CASK: variants seen among roughly 807,000 people sequenced by gnomAD.
CASK encodes calcium/calmodulin dependent serine protein kinase.
A neutral mutation model predicts 82.9 loss-of-function variants in CASK; 4 were observed. The ratio of observed to expected loss-of-function variants is 0.05; its 90% CI spans 0.02 to 0.11. CASK has a LOEUF of 0.11. Among genes scored for constraint, CASK ranks in the 10% least tolerant of loss-of-function variants. CASK has a pLI of 1.00. For synonymous variants in CASK, 259 were observed against 253.5 expected, an observed-to-expected ratio of 1.02 and a Z score of -0.20; for missense variants, 358 against 720.9, an observed-to-expected ratio of 0.50 and a Z score of 5.76.
chrX:41,585,103 C>T (rs1214753012), intron 14 of CASK: 1 of 112,174 alleles, frequency 8.9e-6, no homozygotes, highest in African/African-American at 3.2e-5. Context: ...CAGGTGAATA[C>T]AAACAAGTGG....
intron 15 of CASK, among the ~76,000 whole-genome samples, chrX:41,572,088 T>C: frequency 9.3e-6 from 1 of 107,880 alleles, no homozygotes; most frequent in Non-Finnish European, 1.9e-5. Flanking sequence ...CTTCTTACTT[T>C]TTTTTTTTTT....
At chrX:41,766,784 G>A in intron 3 of CASK, among the ~76,000 whole-genome samples, 1 of 111,280 alleles carries the variant, frequency 9.0e-6, no homozygotes, top group Admixed American at 9.6e-5. Flanking sequence ...CTACCTGGGG[G>A]GCTGAGGCAG....
At chrX:41,791,348 T>G (rs2069712988) in intron 2 of CASK, among the ~76,000 whole-genome samples, 1 of 108,905 alleles carries the variant, frequency 9.2e-6, no homozygotes, top group Admixed American at 1.0e-4. Flanking sequence ...CTTATGCCTT[T>G]GCGTCCCCAT....
chrX:41,729,749 C>CAAAAAAAA (rs1162361118), intron 5 of CASK: 1 of 14,116 alleles, frequency 7.1e-5, no homozygotes, highest in Non-Finnish European at 1.2e-4. Context: ...GACTCTGTCT[C>CAAAAAAAA]AAAAAAAAAA....
intron 12 of CASK, among the ~76,000 whole-genome samples, chrX:41,595,969 A>T (rs748715553): frequency 9.0e-5 from 10 of 111,433 alleles, no homozygotes; most frequent in Non-Finnish European, 1.7e-4. Flanking sequence ...GAATGTCAGG[A>T]TTCTCACCTG....
chrX:41,631,563 G>A (rs761571283), intron 9 of CASK, among the ~76,000 whole-genome samples: 1 of 111,746 alleles, frequency 8.9e-6, no homozygotes, highest in Admixed American at 9.5e-5. Flanking sequence ...CCGCCTCCCA[G>A]GTTCAAGCAA....
At chrX:41,563,278 G>A (rs1296393222) in intron 16 of CASK, among the ~76,000 whole-genome samples, 1 of 99,146 alleles carries the variant, frequency 1.0e-5, no homozygotes, top group African/African-American at 3.7e-5. Context: ...GATTACTTGA[G>A]CCCAGGAGTT....
At chrX:41,788,222 T>C (rs1483481800) in intron 2 of CASK, among the ~76,000 whole-genome samples, 1 of 109,987 alleles carries the variant, frequency 9.1e-6, no homozygotes, top group Non-Finnish European at 1.9e-5. Flanking sequence ...CAATGTTACT[T>C]TGAAGAACAA....
chrX:41,531,691 T>C (rs750382241), intron 24 of CASK, among the ~76,000 whole-genome samples: 18 of 112,662 alleles, frequency 1.6e-4, no homozygotes, highest in Non-Finnish European at 2.8e-4. Flanking sequence ...TAACCACGTA[T>C]GGTTAGTGGC....
At chrX:41,851,469 C>T (rs1019181352) in intron 2 of CASK, among the ~76,000 whole-genome samples, 1 of 111,670 alleles carries the variant, frequency 9.0e-6, no homozygotes, top group African/African-American at 3.3e-5. Context: ...GACCAAGTGA[C>T]AAGAGACAGG....
intron 1 of CASK, among the ~76,000 whole-genome samples, chrX:41,890,696 ATCCATTC>A (rs2072149524): frequency 9.0e-6 from 1 of 111,207 alleles, no homozygotes; most frequent in African/African-American, 3.3e-5. Flanking sequence ...TCACAGACTG[ATCCATTC>A]TCCATTCCCT....
chrX:41,901,079 AT>A (rs1416603136), intron 1 of CASK, among the ~76,000 whole-genome samples: 1 of 111,164 alleles, frequency 9.0e-6, no homozygotes, highest in Non-Finnish European at 1.9e-5. Context: ...ATAGATGTCC[AT>A]TTCTTTATGA....
chrX:41,801,978 T>A (rs2070007947), intron 2 of CASK, among the ~76,000 whole-genome samples: 1 of 111,099 alleles, frequency 9.0e-6, no homozygotes, highest in Admixed American at 9.6e-5. Context: ...GATTCTTCTG[T>A]CAAACTGACC....
intron 2 of CASK, among the ~76,000 whole-genome samples, chrX:41,814,656 G>T: frequency 1.8e-5 from 2 of 108,260 alleles, no homozygotes; most frequent in South Asian, 8.3e-4. Context: ...CGAGTTAATG[G>T]GTGCAGCACA....
intron 5 of CASK, among the ~76,000 whole-genome samples, chrX:41,712,501 A>G (rs1345287600): frequency 8.9e-6 from 1 of 112,618 alleles, no homozygotes; most frequent in Non-Finnish European, 1.9e-5. Context: ...TAAGGAAATT[A>G]TGACAGTGAA....
At chrX:41,738,540 T>C (rs991865998) in intron 5 of CASK, among the ~76,000 whole-genome samples, 3 of 112,641 alleles carry the variant, frequency 2.7e-5, no homozygotes, top group Non-Finnish European at 5.6e-5. Context: ...ATAGACACTT[T>C]AATTAAACTC....
chrX:41,594,341 G>A (rs2065786090), intron 12 of CASK, among the ~76,000 whole-genome samples: 1 of 111,929 alleles, frequency 8.9e-6, no homozygotes, highest in Non-Finnish European at 1.9e-5. Flanking sequence ...AAAGGAGAGG[G>A]GATTGCACCC....
At chrX:41,562,608 G>C (rs2065245120) in intron 16 of CASK, 1 of 111,490 alleles carries the variant, frequency 9.0e-6, no homozygotes, top group Non-Finnish European at 1.9e-5. Flanking sequence ...AGTGTGAAAA[G>C]TAACAGACAA....
At chrX:41,805,390 T>G (rs1260424760) in intron 2 of CASK, among the ~76,000 whole-genome samples, 1 of 112,111 alleles carries the variant, frequency 8.9e-6, no homozygotes, top group Non-Finnish European at 1.9e-5. Flanking sequence ...TCTACATTCA[T>G]GTAGTGAAAT....
Sources: allele counts gnomAD v4.1 joint callset (sites outside exome capture counted in the v4.1 genomes callset), GRCh38; gene constraint gnomAD v4.1.1; transcripts MANE v1.5; gene names NCBI Gene and HGNC (gene_info 2026-07-23, HGNC 2026-07-21).